Variants in NBR1 observed in about 807,000 individuals in gnomAD.
NBR1 encodes the protein NBR1 autophagy cargo receptor, also known as next to BRCA1 gene 1 protein.
NBR1 carries 59 observed loss-of-function variants against 115.5 expected under a neutral mutation model. The observed-to-expected ratio is 0.51, with a 90% CI of 0.41 to 0.63. The LOEUF is 0.63. Ranked by LOEUF, NBR1 falls within the 30% of genes least tolerant of loss-of-function variation. NBR1 has a pLI of 0.00. For missense variants in NBR1, 1,043 were observed against 1,150.5 expected, an observed-to-expected ratio of 0.91 and a Z score of 1.35; for synonymous variants, 373 against 414.7, an observed-to-expected ratio of 0.90 and a Z score of 1.22.
chr17:43,193,433 G>T lies in NBR1; in HGVS notation c.1319G>T (p.Gly440Val). ...CCCTGCCTCAAGGCCGGCCATGTGG[G>T]AGTTGTATCTGTGGAGTTCATTGCC... is the stretch of plus-strand genomic sequence containing the variant. ...LVPCLKAGHV[G>V]VVSVEFIAPA... Residue 440 changes from glycine to valine, a missense_variant, in exon 12 of 21, where the codon GGA becomes GTA. Transcript: ENST00000590996. The T allele has an allele frequency of 6.2e-7, 1 of 1,614,016 alleles. No individual in the cohort carries two copies. Among genetic ancestry groups the T allele is most frequent in the South Asian group, 1.1e-5 (1 of 91,084 alleles).
At chr17:43,201,446 T>G (rs1392968760) in intron 17 of NBR1, among the ~76,000 whole-genome samples, 1 of 152,200 alleles carries the variant, frequency 6.6e-6, no homozygotes, top group East Asian at 1.9e-4. Flanking sequence ...TTGACACCAC[T>G]TGATATAGGT....
At chr17:43,199,973 A>G (rs17139254) in intron 16 of NBR1, among the ~76,000 whole-genome samples, 194 bp from the exon 17 acceptor site, 2,336 of 152,220 alleles carry the variant, frequency 0.015, 53 homozygotes, top group African/African-American at 0.053. Flanking sequence ...GTGAGCTTTG[A>G]TTCTATTTTG....
In NBR1 at chr17:43,187,423, G is replaced by T. The variant is rs1206560248; in HGVS notation, c.402+979G>T. On this transcript the variant is annotated intron_variant, in intron 6 of 20. Transcript: ENST00000590996. ...TCTCGATCTCCTGACCTCATGGTCC[G>T]CCCGCCTTGGCCTCCCAAAGTGCTG... 2.0e-5 allele frequency among the ~76,000 whole-genome samples: 3 copies of T among 149,970 alleles called. No homozygotes were observed. The Admixed American group carries it at 2.0e-4, about 10-fold the overall frequency.
At chr17:43,206,175 CAA>C (rs1280826827) in intron 20 of NBR1, among the ~76,000 whole-genome samples, 31 of 63,716 alleles carry the variant, frequency 4.9e-4, no homozygotes, top group Admixed American at 7.1e-4. Context: ...GACTCTGTCT[CAA>C]AAAAAAAAAA....
chr17:43,195,182 GT>G, intron 14 of NBR1, 143 bp downstream of exon 14: 1 of 692,794 alleles, frequency 1.4e-6, no homozygotes, highest in Non-Finnish European at 2.5e-6. Context: ...TCATGGATCC[GT>G]TTTTCTTCTT....
intron 5 of NBR1, among the ~76,000 whole-genome samples, chr17:43,182,916 A>C (rs1009623365): frequency 2.0e-5 from 3 of 151,730 alleles, no homozygotes; most frequent in African/African-American, 7.3e-5. Flanking sequence ...GGTGTATGCC[A>C]CCATGCCCAG....
chr17:43,194,070 A>G (rs1273545935), intron 12 of NBR1, among the ~76,000 whole-genome samples: 1 of 152,168 alleles, frequency 6.6e-6, no homozygotes, highest in Non-Finnish European at 1.5e-5. Flanking sequence ...ATTTCTCTGT[A>G]TTAGTGGGGC....
At chr17:43,179,954 C>T (rs1398858189) in intron 4 of NBR1, among the ~76,000 whole-genome samples, 1 of 151,866 alleles carries the variant, frequency 6.6e-6, no homozygotes, top group East Asian at 1.9e-4. Context: ...TGGAAGATTC[C>T]CAGTAGTGAT....
intron 5 of NBR1, among the ~76,000 whole-genome samples, chr17:43,185,048 C>T (rs1358777907): frequency 4.7e-5 from 7 of 150,438 alleles, no homozygotes; most frequent in South Asian, 2.1e-4. Flanking sequence ...GAGATTGCAT[C>T]ACTGCACTCT....
At position 43,189,130 on chromosome 17, in the gene NBR1, T is replaced by G. The variant is rs1597985989; in HGVS notation, c.480+11T>G. The G allele has an allele frequency of 6.3e-7, 1 of 1,592,226 alleles. No individual in the cohort carries two copies. The highest frequency in any genetic ancestry group is 2.2e-5 in the East Asian group (1 of 44,768). On this transcript the variant is annotated intron_variant, in intron 7 of 20. Coordinates refer to ENST00000590996, the MANE Select transcript of NBR1 (RefSeq NM_005899.5). Reference sequence around the variant, plus strand: ...AGCTACCTGGAGACGGTGAGTGTTCTGTCTCGCTTGGGTTTTAACTGCGGT... The same window carrying G: ...AGCTACCTGGAGACGGTGAGTGTTCGGTCTCGCTTGGGTTTTAACTGCGGT...
At position 43,197,809 on chromosome 17, in the gene NBR1, G is replaced by T. The variant is rs185551078; in HGVS notation, c.2026+703G>T. On this transcript the variant is annotated intron_variant, in intron 16 of 20. Transcript: ENST00000590996. Reference sequence around the variant, plus strand: ...GCAGCAGTCCCAGAAACAGTGGATAGAAGCAGGAGTACCAACAAAGTTTCT... The same window carrying T: ...GCAGCAGTCCCAGAAACAGTGGATATAAGCAGGAGTACCAACAAAGTTTCT... Among the ~76,000 whole-genome samples the T allele has an allele frequency of 4.2e-3, 636 of 152,286 alleles. 9 individuals are homozygous for T. Among genetic ancestry groups the T allele is most frequent in the African/African-American group, 0.015 (613 of 41,556 alleles).
Position 43,196,928 on chromosome 17 carries a change from C to A in NBR1, c.1862-14C>A. The A allele has an allele frequency of 6.2e-7, 1 of 1,613,538 alleles. No individual in the cohort carries two copies. Among genetic ancestry groups the A allele is most frequent in the Non-Finnish European group, 8.5e-7 (1 of 1,179,636 alleles). ...TTAAACACCCAGTGCAGATAAGGTT[C>A]GTGTGTCTTTCAGATTCTATGGTGT... On this transcript the variant is annotated splice_polypyrimidine_tract_variant and intron_variant, in intron 15 of 20. Coordinates refer to ENST00000590996, the MANE Select transcript of NBR1 (RefSeq NM_005899.5).
intron 2 of NBR1, among the ~76,000 whole-genome samples, chr17:43,177,360 A>G (rs886978357): frequency 2.7e-5 from 4 of 149,698 alleles, no homozygotes; most frequent in African/African-American, 9.8e-5. Context: ...TAACTTATAC[A>G]CTGTTCTACA....
intron 2 of NBR1, among the ~76,000 whole-genome samples, 200 bp from the exon 3 acceptor site, chr17:43,177,736 G>T (rs1426047216): frequency 1.3e-5 from 2 of 152,014 alleles, no homozygotes; most frequent in Non-Finnish European, 2.9e-5. Flanking sequence ...CCTCTTGTAT[G>T]AATTTTATGT....
intron 20 of NBR1, among the ~76,000 whole-genome samples, chr17:43,207,338 C>T (rs907543969): frequency 6.6e-6 from 1 of 152,106 alleles, no homozygotes; most frequent in African/African-American, 2.4e-5. Flanking sequence ...ATAACCTAGG[C>T]ACATCTTCTT....
chr17:43,179,521 A>G, intron 4 of NBR1, 109 bp downstream of exon 4: 2 of 1,037,490 alleles, frequency 1.9e-6, no homozygotes, highest in Admixed American at 2.0e-5. Context: ...TTAGAGTGAC[A>G]TTGCACTGAT....
chr17:43,204,495 C>G (rs2154582421), intron 20 of NBR1, among the ~76,000 whole-genome samples: 1 of 151,048 alleles, frequency 6.6e-6, no homozygotes, highest in Non-Finnish European at 1.5e-5. Flanking sequence ...CATAGTGAGA[C>G]CCCCATCTCT....
In NBR1 at chr17:43,190,169, G is replaced by A. The variant is rs1462666794; in HGVS notation, c.695+367G>A. On this transcript the variant is annotated intron_variant, in intron 8 of 20. Coordinates refer to ENST00000590996, the MANE Select transcript of NBR1 (RefSeq NM_005899.5). ...CAGGGTGCAATCATGGTTCACTGCA[G>A]CCTCACCCTCCCAGGCTCAGACAAT... 8 of 299,210 alleles carry A rather than the reference G, an allele frequency of 2.7e-5. No individual in the cohort carries two copies. The East Asian group carries it at 3.5e-4, about 13-fold the overall frequency. 18.5% of individuals were successfully genotyped at this position (299,210 alleles called of 1,614,324 possible). A position where few individuals can be genotyped will look rare whatever the true frequency, so the allele number is the denominator to read the frequency against.
At position 43,205,976 on chromosome 17, in the gene NBR1, G is replaced by A. The variant is rs566644213; in HGVS notation, c.2727+2190G>A. On this transcript the variant is annotated intron_variant, in intron 20 of 20. Coordinates refer to ENST00000590996, the MANE Select transcript of NBR1 (RefSeq NM_005899.5). ...GGGTGGATCATGAGGTCAGGAGTTC[G>A]AGACCAGCCTGACCCACATGGTGAA... is the stretch of plus-strand genomic sequence containing the variant. Among the ~76,000 whole-genome samples the A allele has an allele frequency of 5.4e-5, 8 of 148,890 alleles. No individual in the cohort carries two copies. The East Asian group carries it at 1.6e-3, about 30-fold the overall frequency.
Sources: allele counts gnomAD v4.1 joint callset (sites outside exome capture counted in the v4.1 genomes callset), GRCh38; gene constraint gnomAD v4.1.1; transcripts MANE v1.5; gene names NCBI Gene and HGNC (gene_info 2026-07-23, HGNC 2026-07-21).